The following GUCY2C variants were observed in gnomAD, a reference collection of about 807,000 sequenced individuals.
The protein encoded by GUCY2C is guanylyl cyclase C.
Under a neutral mutation model 131.1 loss-of-function variants are expected in GUCY2C, and 118 were observed. The observed-to-expected ratio is 0.90, with a 90% CI of 0.78 to 1.05. The LOEUF (loss-of-function observed/expected upper bound fraction) is 1.05. Among genes scored for constraint, GUCY2C ranks in the 50% least tolerant of loss-of-function variants. The probability of loss-of-function intolerance (pLI) is 0.00; values close to 1 mark genes in which losing one functional copy is unlikely to be tolerated. For missense variants in GUCY2C, 1,161 were observed against 1,304.4 expected, an observed-to-expected ratio of 0.89 and a Z score of 1.69; for synonymous variants, 452 against 457.8, an observed-to-expected ratio of 0.99 and a Z score of 0.16.
chr12:14,649,973 A>C (rs1049898236), intron 15 of GUCY2C, among the ~76,000 whole-genome samples: 3 of 152,180 alleles, frequency 2.0e-5, no homozygotes, highest in Non-Finnish European at 2.9e-5. Flanking sequence ...ATTACAATTT[A>C]ATAGTCATGA....
chr12:14,680,874 G>A (rs1410140822), intron 5 of GUCY2C, among the ~76,000 whole-genome samples: 1 of 152,126 alleles, frequency 6.6e-6, no homozygotes, highest in Non-Finnish European at 1.5e-5. Context: ...CACTGGGCAG[G>A]TGAGATACAG....
At position 14,642,563 on chromosome 12, in the gene GUCY2C, T is replaced by G. The variant is rs578254023; in HGVS notation, c.1930+1011A>C. Among the ~76,000 whole-genome samples, 12 of 152,340 alleles carry G rather than the reference T, an allele frequency of 7.9e-5. No homozygotes were observed. The East Asian group carries it at 2.1e-3, about 27-fold the overall frequency. On this transcript the variant is annotated intron_variant, in intron 17 of 26. Coordinates refer to ENST00000261170, the MANE Select transcript of GUCY2C (RefSeq NM_004963.4). ...GTGAATTTTTGTGAATTGTGATTCA[T>G]GCATAGTTGATCATAAAGGTTAGGG...
At position 14,622,202 on chromosome 12, in the gene GUCY2C, ATGAACGAAGGGAAAAAAAATGCCT is replaced by A; in HGVS notation, c.2409-29_2409-6del. The A allele has an allele frequency of 6.7e-7, 1 of 1,484,652 alleles. No homozygotes were observed. Among genetic ancestry groups the A allele is most frequent in the Non-Finnish European group, 8.9e-7 (1 of 1,120,084 alleles). The allele number at this position is 1,484,652 out of a possible 1,614,324, so 92.0% of individuals were successfully genotyped here. A position where few individuals can be genotyped will look rare whatever the true frequency, so the allele number is the denominator to read the frequency against. ...TTCAGAGACTTTACCACTAGCCTAG[ATGAACGAAGGGAAAAAAAATGCCT>A]TCAACTTCAGCAAATTTCTTCTTGT... is the stretch of plus-strand genomic sequence containing the variant. On this transcript the variant is annotated splice_region_variant and splice_polypyrimidine_tract_variant and intron_variant, in intron 21 of 26. Coordinates refer to ENST00000261170, the MANE Select transcript of GUCY2C (RefSeq NM_004963.4).
At chr12:14,640,049 G>T in intron 18 of GUCY2C, 99 bp from the exon 19 acceptor site, 1 of 793,028 alleles carries the variant, frequency 1.3e-6, no homozygotes. Flanking sequence ...CCCCTGGATG[G>T]CTCTTAGCTC....
intron 21 of GUCY2C, among the ~76,000 whole-genome samples, chr12:14,624,826 C>T (rs2136988188): frequency 6.6e-6 from 1 of 152,276 alleles, no homozygotes; most frequent in South Asian, 2.1e-4. Context: ...AAATGGTGAG[C>T]CAGCTGATTC....
chr12:14,670,515 A>G (rs890673191), intron 9 of GUCY2C, among the ~76,000 whole-genome samples: 6 of 152,122 alleles, frequency 3.9e-5, no homozygotes, highest in Non-Finnish European at 8.8e-5. Context: ...CTGAAAGATG[A>G]CTGATATGGT....
At position 14,622,045 on chromosome 12, in the gene GUCY2C, T is replaced by A. The variant is rs748241032; in HGVS notation, c.2561A>T (p.Lys854Met). The change falls in exon 22 of 27, where the codon AAG becomes ATG. Residue 854 changes from lysine (K) to methionine (M), a missense_variant. Physicochemically the swap from Lys to Met is moderately conservative, Grantham distance 95 (BLOSUM62 -1). Coordinates refer to ENST00000261170, the MANE Select transcript of GUCY2C (RefSeq NM_004963.4). ...EVVDMLNDIYKSFDHIVDHHD... is the reference protein window; with the variant it reads ...EVVDMLNDIYMSFDHIVDHHD... ...ATGATCAACAATGTGGTCAAAACTC[T>A]TATAGATGTCATTAAGCATGTCCAC... 2 of 1,609,934 alleles carry A rather than the reference T, an allele frequency of 1.2e-6. No individual in the cohort carries two copies. The highest frequency in any genetic ancestry group is 3.4e-5 in the Admixed American group (2 of 58,672).
At chr12:14,658,958 C>A (rs1193073505) in intron 11 of GUCY2C, among the ~76,000 whole-genome samples, 1 of 151,902 alleles carries the variant, frequency 6.6e-6, no homozygotes, top group Non-Finnish European at 1.5e-5. Context: ...CTAATCCCTA[C>A]AACAGCTCAG....
chr12:14,624,882 C>A (rs1439918500), intron 21 of GUCY2C, among the ~76,000 whole-genome samples: 1 of 152,202 alleles, frequency 6.6e-6, no homozygotes, highest in Non-Finnish European at 1.5e-5. Context: ...GCCAATGAAA[C>A]CCTGGGAAGG....
chr12:14,684,804 G>A (rs983020926), intron 3 of GUCY2C, among the ~76,000 whole-genome samples: 4 of 151,548 alleles, frequency 2.6e-5, no homozygotes, highest in Admixed American at 6.6e-5. Flanking sequence ...CACATTGCTG[G>A]GACTACAGGC....
chr12:14,640,518 CGCTGTAAAACTCA>C (rs1232748462), intron 18 of GUCY2C, among the ~76,000 whole-genome samples: 1 of 151,852 alleles, frequency 6.6e-6, no homozygotes, highest in African/African-American at 2.4e-5. Flanking sequence ...ATGCTACTGT[CGCTGTAAAACTCA>C]GCTCAGGCAC....
In GUCY2C at chr12:14,663,332, G is replaced by T. The variant is rs145508953; in HGVS notation, c.1283-2270C>A. ...AGTTTTGCTCTTTTTGCCCAGGCTG[G>T]CATGCAATGGCACGATCTCGGCTCA... On this transcript the variant is annotated intron_variant, in intron 10 of 26. Coordinates refer to ENST00000261170, the MANE Select transcript of GUCY2C (RefSeq NM_004963.4). Among the ~76,000 whole-genome samples, 691 of 152,308 alleles carry T rather than the reference G, an allele frequency of 4.5e-3. 5 individuals are homozygous for T. The highest frequency in any genetic ancestry group is 0.016 in the African/African-American group (671 of 41,564).
chr12:14,617,319 G>A (rs1946787049), intron 24 of GUCY2C, among the ~76,000 whole-genome samples: 1 of 152,094 alleles, frequency 6.6e-6, no homozygotes, highest in Admixed American at 6.6e-5. Context: ...ATCTCACGTG[G>A]GAAGAAAGAA....
At position 14,614,889 on chromosome 12, in the gene GUCY2C, T is replaced by A. The variant is rs770313258; in HGVS notation, c.3025A>T (p.Asn1009Tyr). Residue 1009 changes from asparagine to tyrosine, a missense_variant, in exon 26 of 27, where the codon AAC becomes TAC. Coordinates refer to ENST00000261170, the MANE Select transcript of GUCY2C (RefSeq NM_004963.4). ...WLTGMKDQKFNLPTPPTVENQ... is the reference protein window; with the variant it reads ...WLTGMKDQKFYLPTPPTVENQ... ...TACACAGTAGGAGGGGTTGGCAGGT[T>A]GAATTTCTGGTCCTTCATCCCAGTC... 6.3e-7 allele frequency: 1 copy of A among 1,586,524 alleles called. No homozygotes were observed. Among genetic ancestry groups the A allele is most frequent in the Non-Finnish European group, 8.6e-7 (1 of 1,169,062 alleles).
chr12:14,657,135 G>C (rs1947779996), intron 11 of GUCY2C, among the ~76,000 whole-genome samples: 1 of 152,058 alleles, frequency 6.6e-6, no homozygotes, highest in South Asian at 2.1e-4. Flanking sequence ...GGGGACCCCT[G>C]TTTCCTAGTC....
At position 14,674,700 on chromosome 12, in the gene GUCY2C, T is replaced by C. The variant is rs759947244; in HGVS notation, c.1009A>G (p.Lys337Glu). 24 of 1,611,362 alleles carry C rather than the reference T, an allele frequency of 1.5e-5. No homozygotes were observed. The highest frequency in any genetic ancestry group is 2.0e-5 in the Non-Finnish European group (24 of 1,177,812). ...NGILLFGHML[K>E]IFLENGENIT... is the part of the protein sequence containing the mutation. Reference sequence around the variant, plus strand: ...TTTTCTCCATTTTCAAGAAATATCTTCAGCATATGTCCAAAGAGCAGGATT... The same window carrying C: ...TTTTCTCCATTTTCAAGAAATATCTCCAGCATATGTCCAAAGAGCAGGATT... The change falls in exon 8 of 27, where the codon AAG (lysine) becomes GAG (glutamate). Residue 337 changes from lysine (K) to glutamate (E), a missense_variant. Coordinates refer to ENST00000261170, the MANE Select transcript of GUCY2C (RefSeq NM_004963.4).
Position 14,622,063 on chromosome 12 carries a change from A to T in GUCY2C, c.2543T>A (p.Met848Lys). The change falls in exon 22 of 27, where the codon ATG becomes AAG. Residue 848 changes from methionine (M) to lysine (K), a missense_variant. By Grantham distance (95) the Met-to-Lys change is moderately conservative. Transcript: ENST00000261170. ...AAAACTCTTATAGATGTCATTAAGC[A>T]TGTCCACCACTTCCATGGGGGTGCT... ...KYSTPMEVVD[M>K]LNDIYKSFDH... is the part of the protein sequence containing the mutation. 1 of 1,610,940 alleles carries T rather than the reference A, an allele frequency of 6.2e-7. No individual in the cohort carries two copies. The highest frequency in any genetic ancestry group is 8.5e-7 in the Non-Finnish European group (1 of 1,178,894).
chr12:14,678,621 T>G (rs1296408627), intron 6 of GUCY2C, among the ~76,000 whole-genome samples: 1 of 152,216 alleles, frequency 6.6e-6, no homozygotes, highest in Non-Finnish European at 1.5e-5. Flanking sequence ...TTCCTATACT[T>G]CATTTCCATT....
intron 3 of GUCY2C, among the ~76,000 whole-genome samples, chr12:14,685,339 A>G (rs1254267388): frequency 6.6e-6 from 1 of 152,172 alleles, no homozygotes; most frequent in Non-Finnish European, 1.5e-5. Flanking sequence ...GCTGTTTGTA[A>G]TGGTGGGTGT....
Sources: allele counts gnomAD v4.1 joint callset (sites outside exome capture counted in the v4.1 genomes callset), GRCh38; gene constraint gnomAD v4.1.1; transcripts MANE v1.5; gene names NCBI Gene and HGNC (gene_info 2026-07-23, HGNC 2026-07-21).